MDM4: variants seen among roughly 807,000 people sequenced by gnomAD.
MDM4 encodes the protein MDM4 regulator of p53, also known as protein Mdm4.
In MDM4, 2 loss-of-function variants were observed where a neutral mutation model predicts 60.2. That is an observed-to-expected ratio of 0.03 (90% CI 0.01 to 0.10). The LOEUF (loss-of-function observed/expected upper bound fraction) is 0.10. Ranked by LOEUF, MDM4 falls within the 10% of genes least tolerant of loss-of-function variation. The pLI is 1.00. For missense variants in MDM4, 447 were observed against 577.5 expected (o/e 0.77, Z 2.32); for synonymous variants, 202 against 198.1 (o/e 1.02, Z -0.17).
At chr1:204,529,864 A>G (rs966989613) in intron 3 of MDM4, among the ~76,000 whole-genome samples, 2 of 152,062 alleles carry the variant, frequency 1.3e-5, no homozygotes, top group East Asian at 3.8e-4. Flanking sequence ...GCATAAAGGG[A>G]ATTTCCTGAT....
Position 204,549,411 on chromosome 1 carries a change from C to G in MDM4, c.1202C>G (p.Ser401Cys), listed in dbSNP as rs1272531793. 6.2e-7 allele frequency: 1 copy of G among 1,613,548 alleles called. No individual in the cohort carries two copies. The highest frequency in any genetic ancestry group is 8.5e-7 in the Non-Finnish European group (1 of 1,179,926). Residue 401 changes from serine (S) to cysteine (C), a missense_variant, in exon 11 of 11, where the codon TCT becomes TGT. Physicochemically the swap from Ser to Cys is moderately radical, Grantham distance 112 (BLOSUM62 -1). Around this residue, in one of 8 missense-constraint regions of MDM4, gnomAD observed 117 missense variants for 114.5 expected, o/e 1.02. Transcript: ENST00000367182. Reference protein sequence around the residue: ...SVEFLDLAHSSESQETISSMG... With the variant: ...SVEFLDLAHSCESQETISSMG... ...GAATTCTTGGATTTGGCTCACAGTT[C>G]TGAAAGCCAAGAGACCATCTCAAGC...
intron 7 of MDM4, among the ~76,000 whole-genome samples, chr1:204,540,655 C>A (rs566705817): frequency 1.3e-5 from 2 of 151,362 alleles, no homozygotes; most frequent in East Asian, 3.9e-4. Context: ...CCCAGCTACT[C>A]GGGAGGCTGA....
intron 5 of MDM4, among the ~76,000 whole-genome samples, chr1:204,534,062 A>G (rs757685494): frequency 2.6e-5 from 4 of 152,164 alleles, no homozygotes; most frequent in Non-Finnish European, 4.4e-5. Flanking sequence ...TTGGGATTAC[A>G]GGCATGAGCC....
chr1:204,528,872 G>A (rs1572470719), intron 3 of MDM4: 29 of 1,586,890 alleles, frequency 1.8e-5, no homozygotes, highest in Non-Finnish European at 2.2e-5. Flanking sequence ...TCATGGTGAC[G>A]ACGTCCTTGA....
chr1:204,535,548 T>C (rs1441321140), intron 5 of MDM4, among the ~76,000 whole-genome samples: 1 of 151,934 alleles, frequency 6.6e-6, no homozygotes, highest in Non-Finnish European at 1.5e-5. Context: ...GTTTATTAAT[T>C]TTTGAGACTG....
At chr1:204,539,316 A>G (rs1661773663) in intron 7 of MDM4, among the ~76,000 whole-genome samples, 2 of 152,042 alleles carry the variant, frequency 1.3e-5, no homozygotes, top group East Asian at 2.0e-4. Context: ...GTTTGCAAAG[A>G]TGACATAATA....
intron 5 of MDM4, among the ~76,000 whole-genome samples, chr1:204,535,508 A>C (rs1460822475): frequency 2.0e-5 from 3 of 151,358 alleles, no homozygotes; most frequent in African/African-American, 7.3e-5. Flanking sequence ...CATGTATACA[A>C]ATGAAATAAA....
At chr1:204,542,675 C>A in intron 7 of MDM4, 109 bp from the exon 8 acceptor site, 1 of 790,906 alleles carries the variant, frequency 1.3e-6, no homozygotes, top group Non-Finnish European at 1.9e-6. Context: ...TTTCTTAGAA[C>A]AGGAATTTCT....
At position 204,525,565 on chromosome 1, in the gene MDM4, C is replaced by A. The variant is rs2102314152; in HGVS notation, c.47C>A (p.Ala16Asp). ...TSAQCSTSDSACRISPGQINQ... is the reference protein window; with the variant it reads ...TSAQCSTSDSDCRISPGQINQ... ...GCTCAGTGTTCAACATCTGACAGTG[C>A]TTGCAGGATCTCTCCTGGACAAATC... The change falls in exon 2 of 11, where the codon GCT becomes GAT. Residue 16 changes from alanine (A) to aspartate (D), a missense_variant. Ala to Asp is a moderately radical substitution (Grantham distance 126, BLOSUM62 -2). Around this residue, in one of 8 missense-constraint regions of MDM4, gnomAD observed 33 missense variants for 28.8 expected, o/e 1.15. Transcript: ENST00000367182. The A allele has an allele frequency of 6.2e-7, 1 of 1,610,322 alleles. No individual in the cohort carries two copies.
chr1:204,531,051 C>A (rs1660805459), intron 4 of MDM4, among the ~76,000 whole-genome samples: 1 of 152,090 alleles, frequency 6.6e-6, no homozygotes, highest in South Asian at 2.1e-4. Flanking sequence ...AATAATCACA[C>A]TAATTCATGG....
intron 7 of MDM4, among the ~76,000 whole-genome samples, chr1:204,539,983 A>C (rs889135692): frequency 6.6e-6 from 1 of 152,182 alleles, no homozygotes; most frequent in Non-Finnish European, 1.5e-5. Context: ...GGTGTACATG[A>C]AAACTTGGGT....
At chr1:204,525,663 G>C (rs2102315846) in intron 2 of MDM4, 67 bp downstream of exon 2, 3 of 1,070,078 alleles carry the variant, frequency 2.8e-6, no homozygotes, top group Non-Finnish European at 4.1e-6. Flanking sequence ...AAGTTTAGCT[G>C]TCTCATGACT....
intron 5 of MDM4, among the ~76,000 whole-genome samples, chr1:204,535,572 C>G (rs181798256): frequency 6.6e-6 from 1 of 152,164 alleles, no homozygotes; most frequent in Admixed American, 6.5e-5. Flanking sequence ...CTCGCTTTGT[C>G]GACTAGGCTG....
chr1:204,550,824 A>G lies in MDM4; in HGVS notation c.*1142A>G, dbSNP rs762749822. On this transcript the variant is annotated 3_prime_UTR_variant, in exon 11 of 11. Coordinates refer to ENST00000367182, the MANE Select transcript of MDM4 (RefSeq NM_002393.5). Reference sequence around the variant, plus strand: ...GTTGGGCTTACAGCCTTGAGCCACTATGCTTGGCTCAAAGATATTTTTATG... The same window carrying G: ...GTTGGGCTTACAGCCTTGAGCCACTGTGCTTGGCTCAAAGATATTTTTATG... 5 of 176,984 alleles carry G rather than the reference A, an allele frequency of 2.8e-5. No homozygotes were observed. The highest frequency in any genetic ancestry group is 9.5e-5 in the East Asian group (1 of 10,530). The allele number at this position is 176,984 out of a possible 1,614,324, so 11.0% of individuals were successfully genotyped here. A position where few individuals can be genotyped will look rare whatever the true frequency, so the allele number is the denominator to read the frequency against.
At position 204,549,883 on chromosome 1, in the gene MDM4, T is replaced by C; in HGVS notation, c.*201T>C. The C allele has an allele frequency of 2.2e-6, 1 of 453,550 alleles. No individual in the cohort carries two copies. The highest frequency in any genetic ancestry group is 3.9e-6 in the Non-Finnish European group (1 of 259,070). The allele number at this position is 453,550 out of a possible 1,614,324, so 28.1% of individuals were successfully genotyped here. ...AGTCAAATTATTAAGTGCCATGGAT[T>C]ACTTTATGCAGCAGTCAGGTACATA... is the stretch of plus-strand genomic sequence containing the variant. On this transcript the variant is annotated 3_prime_UTR_variant, in exon 11 of 11. Transcript: ENST00000367182.
In MDM4 at chr1:204,520,882, A is replaced by G. The variant is rs79068472; in HGVS notation, c.-36+4373A>G. Among the ~76,000 whole-genome samples, 332 of 152,330 alleles carry G rather than the reference A, an allele frequency of 2.2e-3. 1 individual carries two copies. Among genetic ancestry groups the G allele is most frequent in the Non-Finnish European group, 3.4e-3 (231 of 68,028 alleles). ...CAGAACAATACCCTGTCTCAAAAAA[A>G]TTATGAAAATAAAAAGGTAAAAATA... On this transcript the variant is annotated intron_variant, in intron 1 of 10. Transcript: ENST00000367182.
rs1016768539 is a variant in MDM4 at position 204,516,467 on chromosome 1, C to G, written c.-78C>G. The G allele has an allele frequency of 1.3e-5, 2 of 152,286 alleles. No homozygotes were observed. The highest frequency in any genetic ancestry group is 2.4e-5 in the African/African-American group (1 of 41,450). 9.4% of individuals were successfully genotyped at this position (152,286 alleles called of 1,614,324 possible). ...GATCTGTGACTGCCACCCCTCCCCC[C>G]ACCCGGGCTCGGCGGGGGAGCGACT... On this transcript the variant is annotated 5_prime_UTR_variant, in exon 1 of 11. Coordinates refer to ENST00000367182, the MANE Select transcript of MDM4 (RefSeq NM_002393.5).
Position 204,529,603 on chromosome 1 carries a change from T to TG in MDM4, c.154-1073dup, listed in dbSNP as rs138259386. The stretch of plus-strand genomic sequence containing the variant: ...ACGCTGCCATACTGCCCTCCACTAC[T>TG]GGGGGGGGTCCAAGGTAGTAGCTAC... On this transcript the variant is annotated intron_variant, in intron 3 of 10. Coordinates refer to ENST00000367182, the MANE Select transcript of MDM4 (RefSeq NM_002393.5). 5.7e-3 allele frequency: 7,216 copies of TG among 1,261,744 alleles called. 218 individuals are homozygous for TG. In the African/African-American group the frequency reaches 0.081, roughly 14 times the overall value. 78.2% of individuals were successfully genotyped at this position (1,261,744 alleles called of 1,614,324 possible).
chr1:204,539,421 T>G (rs2926531), intron 7 of MDM4, among the ~76,000 whole-genome samples: 152,303 of 152,324 alleles, frequency 1, 76,141 homozygotes, highest in Middle Eastern at 1. Flanking sequence ...TTTGAAAGAT[T>G]GTAATGCTCT....
Sources: gnomAD v4.1 joint callset for allele counts (sites outside exome capture counted in the v4.1 genomes callset) on GRCh38, gnomAD v4.1.1 for gene constraint, gnomAD v4.1.1 regional missense constraint, MANE v1.5 for transcripts, NCBI Gene and HGNC (gene_info 2026-07-23, HGNC 2026-07-21) for gene names.